The following BEND7 variants were observed in gnomAD, a reference collection of about 807,000 sequenced individuals.
BEND7 encodes the protein BEN domain containing 7.
Under a neutral mutation model 50.9 loss-of-function variants are expected in BEND7, and 28 were observed. That is an observed-to-expected ratio of 0.55 (90% CI 0.41 to 0.75). The LOEUF (loss-of-function observed/expected upper bound fraction) is 0.75. Among genes scored for constraint, BEND7 ranks in the 30% least tolerant of loss-of-function variants. BEND7 has a pLI of 0.00. For missense variants in BEND7, 477 were observed against 491.3 expected, an observed-to-expected ratio of 0.97 and a Z score of 0.28; for synonymous variants, 170 against 183.9, an observed-to-expected ratio of 0.92 and a Z score of 0.61.
rs566193414 is a variant in BEND7 at position 13,462,245 on chromosome 10, G to A, written c.1064-9587C>T. ...ACTGGGTAATTTATAAAGGAAAGAG[G>A]TTTAATGGACTCACAGTTTAACATG... is the stretch of plus-strand genomic sequence containing the variant. On this transcript the variant is annotated intron_variant, in intron 6 of 8. Coordinates refer to ENST00000466271, the MANE Select transcript of BEND7 (RefSeq NM_001369863.1). Among the ~76,000 whole-genome samples, 25 of 151,738 alleles carry A rather than the reference G, an allele frequency of 1.6e-4. No homozygotes were observed. The South Asian group carries it at 5.0e-3, about 30-fold the overall frequency.
chr10:13,520,804 T>TG (rs113868036), intron 2 of BEND7, among the ~76,000 whole-genome samples: 161 of 152,306 alleles, frequency 1.1e-3, no homozygotes, highest in African/African-American at 3.8e-3. Context: ...AGTGCCCGGA[T>TG]GGCCTAACTA....
At chr10:13,458,250 C>T (rs1018794259) in intron 6 of BEND7, among the ~76,000 whole-genome samples, 15 of 152,336 alleles carry the variant, frequency 9.8e-5, no homozygotes, top group African/African-American at 3.6e-4. Flanking sequence ...CTTCAGAATG[C>T]TGCTCCTCAT....
intron 1 of BEND7, chr10:13,527,728 A>ATTT (rs1589096267): frequency 3.7e-5 from 20 of 542,466 alleles, no homozygotes; most frequent in East Asian, 1.5e-4. Context: ...CATTTTTTTA[A>ATTT]AAAAAAAAGT....
intron 2 of BEND7, among the ~76,000 whole-genome samples, chr10:13,520,741 G>C (rs1028066876): frequency 6.6e-6 from 1 of 152,112 alleles, no homozygotes; most frequent in Non-Finnish European, 1.5e-5. Context: ...ACATGAGGCC[G>C]ACCCAACAGC....
chr10:13,511,763 A>T (rs1236051053), intron 2 of BEND7, among the ~76,000 whole-genome samples: 1 of 152,196 alleles, frequency 6.6e-6, no homozygotes, highest in African/African-American at 2.4e-5. Flanking sequence ...CCTACATTGA[A>T]TCCTGACACC....
At chr10:13,498,111 T>C (rs1272160371) in intron 3 of BEND7, among the ~76,000 whole-genome samples, 1 of 147,582 alleles carries the variant, frequency 6.8e-6, no homozygotes, top group Non-Finnish European at 1.5e-5. Flanking sequence ...GGTCTCGCTC[T>C]GCTGCACAGG....
chr10:13,473,279 G>A (rs762941026), intron 6 of BEND7, among the ~76,000 whole-genome samples: 5 of 150,380 alleles, frequency 3.3e-5, no homozygotes, highest in African/African-American at 4.9e-5. Context: ...TATCGTCATC[G>A]CTGTGAGACT....
intron 2 of BEND7, among the ~76,000 whole-genome samples, chr10:13,505,330 A>T (rs1453144589): frequency 4.6e-5 from 7 of 151,850 alleles, no homozygotes; most frequent in African/African-American, 1.7e-4. Context: ...TGCCACAGTA[A>T]CTCCCTCTCA....
At chr10:13,450,821 G>C (rs1325803626) in intron 7 of BEND7, among the ~76,000 whole-genome samples, 1 of 152,098 alleles carries the variant, frequency 6.6e-6, no homozygotes, top group Admixed American at 6.5e-5. Flanking sequence ...TCATCCTGTA[G>C]AAGTGGGCAA....
chr10:13,473,615 G>C (rs1389482781), intron 6 of BEND7, among the ~76,000 whole-genome samples: 1 of 138,602 alleles, frequency 7.2e-6, no homozygotes, highest in Non-Finnish European at 1.5e-5. Context: ...TGTCATCGCT[G>C]TTAGACTCAG....
intron 6 of BEND7, among the ~76,000 whole-genome samples, chr10:13,471,116 C>T (rs1453002428): frequency 6.6e-6 from 1 of 152,190 alleles, no homozygotes; most frequent in Non-Finnish European, 1.5e-5. Context: ...CCTCCCCCTG[C>T]CAGGTAATAG....
intron 3 of BEND7, 175 bp downstream of exon 3, chr10:13,499,603 G>GT (rs2077289633): frequency 1.4e-6 from 1 of 710,356 alleles, no homozygotes; most frequent in African/African-American, 1.8e-5. Flanking sequence ...TCTCAATTCT[G>GT]TTTTTTAATA....
At chr10:13,504,687 T>C (rs2077739262) in intron 2 of BEND7, among the ~76,000 whole-genome samples, 1 of 152,200 alleles carries the variant, frequency 6.6e-6, no homozygotes, top group Non-Finnish European at 1.5e-5. Context: ...TGTGCATTTT[T>C]CCTGATCTCT....
chr10:13,507,145 T>C (rs2077956858), intron 2 of BEND7, among the ~76,000 whole-genome samples: 1 of 152,186 alleles, frequency 6.6e-6, no homozygotes, highest in Non-Finnish European at 1.5e-5. Context: ...TATTAGATCT[T>C]CTACTAATCT....
At chr10:13,515,718 T>A (rs1176424882) in intron 2 of BEND7, among the ~76,000 whole-genome samples, 2 of 152,182 alleles carry the variant, frequency 1.3e-5, no homozygotes, top group Admixed American at 1.3e-4. Flanking sequence ...CGCTCCCCCT[T>A]CATCCTGGCA....
intron 3 of BEND7, among the ~76,000 whole-genome samples, chr10:13,498,218 T>C (rs529406081): frequency 6.6e-6 from 1 of 151,922 alleles, no homozygotes; most frequent in South Asian, 2.1e-4. Flanking sequence ...TGGGACTACA[T>C]GCATGCGCTA....
intron 5 of BEND7, 123 bp from the exon 6 acceptor site, chr10:13,481,247 C>A: frequency 1.1e-6 from 1 of 900,392 alleles, no homozygotes; most frequent in East Asian, 2.6e-5. Context: ...TGAAAACACT[C>A]TTGGCTTTCT....
At chr10:13,467,862 C>T (rs186169805) in intron 6 of BEND7, among the ~76,000 whole-genome samples, 1 of 152,138 alleles carries the variant, frequency 6.6e-6, no homozygotes, top group Non-Finnish European at 1.5e-5. Flanking sequence ...TCTTCCTTCC[C>T]TCTTTCCTTC....
At chr10:13,521,359 T>C (rs1475173244) in intron 2 of BEND7, among the ~76,000 whole-genome samples, 1 of 152,218 alleles carries the variant, frequency 6.6e-6, no homozygotes, top group Admixed American at 6.5e-5. Flanking sequence ...AACACGTTTC[T>C]TGGGACAATT....
Sources: gnomAD v4.1 joint callset for allele counts (sites outside exome capture counted in the v4.1 genomes callset) on GRCh38, gnomAD v4.1.1 for gene constraint, MANE v1.5 for transcripts, NCBI Gene and HGNC (gene_info 2026-07-23, HGNC 2026-07-21) for gene names.